GTF2I: variants seen among roughly 807,000 people sequenced by gnomAD.
GTF2I encodes general transcription factor II-I.
In GTF2I, 12 loss-of-function variants were observed where a neutral mutation model predicts 67.6. The ratio of observed to expected loss-of-function variants is 0.18; its 90% CI spans 0.11 to 0.29. The LOEUF (loss-of-function observed/expected upper bound fraction) is 0.29, where lower values mean the gene tolerates loss of function less well. Among genes scored for constraint, GTF2I ranks in the 10% least tolerant of loss-of-function variants. The probability of loss-of-function intolerance (pLI) is 1.00; values close to 1 mark genes in which losing one functional copy is unlikely to be tolerated. For synonymous variants in GTF2I, 149 were observed against 197.0 expected, an observed-to-expected ratio of 0.76 and a Z score of 2.04; for missense variants, 271 against 580.1, an observed-to-expected ratio of 0.47 and a Z score of 5.47.
chr7:74,712,593 G>A (rs782734755), intron 9 of GTF2I, among the ~76,000 whole-genome samples: 6 of 147,656 alleles, frequency 4.1e-5, no homozygotes, highest in Non-Finnish European at 8.9e-5. Context: ...TTACACAGTG[G>A]TACACTGTAT....
chr7:74,670,548 A>T (rs1554390245), intron 1 of GTF2I, among the ~76,000 whole-genome samples: 1 of 152,072 alleles, frequency 6.6e-6, no homozygotes, highest in Non-Finnish European at 1.5e-5. Flanking sequence ...AATACAAAAA[A>T]TTAGCCAGGT....
rs1252548136 is a variant in GTF2I, at chr7:74,729,929, C to T, written c.1055-300C>T. 2.8e-5 allele frequency among the ~76,000 whole-genome samples: 4 copies of T among 142,972 alleles called. No homozygotes were observed. In the East Asian group the frequency reaches 6.3e-4, roughly 22 times the overall value. 93.8% of individuals were successfully genotyped at this position (142,972 alleles called of 152,430 possible). ...GTTTCATTTGCTTGATCTTTTCTGC[C>T]CTCCTGCTTTTCAGAAATTAAAAGG... is the stretch of plus-strand genomic sequence containing the variant. On this transcript the variant is annotated intron_variant, in intron 13 of 34. Coordinates refer to ENST00000573035, the MANE Select transcript of GTF2I (RefSeq NM_032999.4).
At chr7:74,721,926 A>T (rs1261141500) in intron 12 of GTF2I, among the ~76,000 whole-genome samples, 1 of 152,144 alleles carries the variant, frequency 6.6e-6, no homozygotes, top group Non-Finnish European at 1.5e-5. Flanking sequence ...GGATAATCTT[A>T]GTTTTGTTTT....
intron 1 of GTF2I, among the ~76,000 whole-genome samples, chr7:74,679,105 G>A (rs1554393320): frequency 1.3e-5 from 2 of 150,360 alleles, no homozygotes; most frequent in African/African-American, 4.9e-5. Flanking sequence ...TTGAGATGGA[G>A]TCTCACTCTG....
At chr7:74,664,017 CG>C (rs1804751485) in intron 1 of GTF2I, among the ~76,000 whole-genome samples, 1 of 151,748 alleles carries the variant, frequency 6.6e-6, no homozygotes, top group African/African-American at 2.4e-5. Context: ...TTAGTAGAGA[CG>C]GGGTTTCACC....
chr7:74,732,205 T>A (rs1554406861), intron 14 of GTF2I, among the ~76,000 whole-genome samples: 1 of 150,188 alleles, frequency 6.7e-6, no homozygotes. Flanking sequence ...AACCCCCGTC[T>A]CTACTAAAAA....
intron 14 of GTF2I, among the ~76,000 whole-genome samples, chr7:74,730,958 T>C (rs1794424000): frequency 7.8e-6 from 1 of 127,916 alleles, no homozygotes; most frequent in Non-Finnish European, 1.6e-5. Flanking sequence ...CCTCCCGCCT[T>C]GGCCTCCCAA....
rs782340702 is a variant in GTF2I, at chr7:74,689,115, C to T, written c.-5-9C>T. Reference sequence around the variant, plus strand: ...TACCACTCACTTTCTTCTTACTTCTCCTGCACAGGGATCATGGCCCAAGTT... The same window carrying T: ...TACCACTCACTTTCTTCTTACTTCTTCTGCACAGGGATCATGGCCCAAGTT... On this transcript the variant is annotated splice_polypyrimidine_tract_variant and intron_variant, in intron 1 of 34. Transcript: ENST00000573035. 3.9e-6 allele frequency: 6 copies of T among 1,554,726 alleles called. No homozygotes were observed. Among genetic ancestry groups the T allele is most frequent in the South Asian group, 2.2e-5 (2 of 89,770 alleles).
intron 1 of GTF2I, among the ~76,000 whole-genome samples, chr7:74,688,093 G>A (rs1047263530): frequency 6.6e-6 from 1 of 151,796 alleles, no homozygotes; most frequent in East Asian, 1.9e-4. Context: ...TAATTTTTTT[G>A]TGTGTGTGAC....
intron 11 of GTF2I, among the ~76,000 whole-genome samples, chr7:74,717,233 A>G (rs373507916): frequency 1.3e-5 from 2 of 152,046 alleles, no homozygotes; most frequent in East Asian, 1.9e-4. Context: ...TTCTTGTGCC[A>G]TATTAAATAT....
chr7:74,734,501 A>G (rs1794732477), intron 16 of GTF2I, among the ~76,000 whole-genome samples: 2 of 152,030 alleles, frequency 1.3e-5, no homozygotes, highest in South Asian at 4.2e-4. Flanking sequence ...CGCTCACTGC[A>G]ACCTCCCGCC....
At chr7:74,725,598 G>C (rs1439582888) in intron 12 of GTF2I, among the ~76,000 whole-genome samples, 4 of 152,074 alleles carry the variant, frequency 2.6e-5, no homozygotes, top group African/African-American at 9.7e-5. Flanking sequence ...GGAGGCTGAG[G>C]TGGGAGGATC....
chr7:74,712,757 G>T (rs587764910), intron 9 of GTF2I, among the ~76,000 whole-genome samples: 4 of 149,640 alleles, frequency 2.7e-5, no homozygotes, highest in Non-Finnish European at 4.4e-5. Context: ...TCCGCTTGCC[G>T]GGTTCAAGCA....
At chr7:74,680,656 C>A (rs782302731) in intron 1 of GTF2I, among the ~76,000 whole-genome samples, 1 of 152,008 alleles carries the variant, frequency 6.6e-6, no homozygotes, top group South Asian at 2.1e-4. Flanking sequence ...GTGGGAAGAT[C>A]GCTTGAACAC....
At chr7:74,694,263 C>T (rs146684883) in intron 3 of GTF2I, among the ~76,000 whole-genome samples, 1 of 152,202 alleles carries the variant, frequency 6.6e-6, no homozygotes, top group East Asian at 1.9e-4. Flanking sequence ...AAATTGGAAG[C>T]TAGCAGAGGT....
intron 8 of GTF2I, among the ~76,000 whole-genome samples, chr7:74,707,910 T>C (rs1554401842): frequency 6.6e-6 from 1 of 152,144 alleles, no homozygotes; most frequent in African/African-American, 2.4e-5. Context: ...CATCTTTGTA[T>C]TCTTAATTTA....
intron 12 of GTF2I, chr7:74,722,854 C>T (rs1321370886): frequency 6.6e-6 from 1 of 152,054 alleles, no homozygotes; most frequent in Non-Finnish European, 1.5e-5. Context: ...GCCAATCAGA[C>T]ACTTAATGAA....
At chr7:74,720,741 A>ATTTTTTTTTTTTTTTTTTTTTTTTTTTT in intron 12 of GTF2I, among the ~76,000 whole-genome samples, 1 of 132,372 alleles carries the variant, frequency 7.6e-6, no homozygotes, top group Non-Finnish European at 1.6e-5. Context: ...TAGAAGCTGT[A>ATTTTTTTTTTTTTTTTTTTTTTTTTTTT]TTTTTTTTTT....
At chr7:74,717,900 G>A (rs879999791) in intron 11 of GTF2I, among the ~76,000 whole-genome samples, 11 of 152,154 alleles carry the variant, frequency 7.2e-5, no homozygotes, top group Admixed American at 5.2e-4. Flanking sequence ...GTAAACCGTT[G>A]GTTACATTTC....
Sources: gnomAD v4.1 joint callset for allele counts (sites outside exome capture counted in the v4.1 genomes callset) on GRCh38, gnomAD v4.1.1 for gene constraint, MANE v1.5 for transcripts, NCBI Gene and HGNC (gene_info 2026-07-23, HGNC 2026-07-21) for gene names.